Variants in ARHGAP10 observed in about 807,000 individuals in gnomAD.
The protein encoded by ARHGAP10 is Rho GTPase activating protein 10, also known as rho GTPase-activating protein 10.
ARHGAP10 carries 87 observed loss-of-function variants against 108.6 expected under a neutral mutation model. That is an observed-to-expected ratio of 0.80 (90% confidence interval 0.67 to 0.96). The LOEUF (loss-of-function observed/expected upper bound fraction) is 0.96, where lower values mean the gene tolerates loss of function less well. Ranked by LOEUF, ARHGAP10 falls within the 40% of genes least tolerant of loss-of-function variation. ARHGAP10 has a pLI of 0.00. For synonymous variants in ARHGAP10, 347 were observed against 341.1 expected (o/e 1.02, Z -0.19); for missense variants, 939 against 954.5 (o/e 0.98, Z 0.21).
chr4:147,804,017 G>C (rs557026073), intron 1 of ARHGAP10, among the ~76,000 whole-genome samples: 3 of 148,294 alleles, frequency 2.0e-5, no homozygotes, highest in African/African-American at 7.4e-5. Context: ...TTTTCTTTCA[G>C]GTTCAGGGGT....
intron 1 of ARHGAP10, among the ~76,000 whole-genome samples, chr4:147,799,314 C>T (rs758367384): frequency 9.9e-5 from 15 of 152,056 alleles, no homozygotes; most frequent in Non-Finnish European, 1.5e-4. Flanking sequence ...GCTGGGATGG[C>T]CTCTCTTTGT....
At chr4:147,984,447 C>T (rs1394815179) in intron 18 of ARHGAP10, among the ~76,000 whole-genome samples, 3 of 152,234 alleles carry the variant, frequency 2.0e-5, no homozygotes, top group Non-Finnish European at 4.4e-5. Flanking sequence ...CCACCTTTAG[C>T]GGCTAATGCC....
chr4:147,899,339 G>T (rs1404250373), intron 10 of ARHGAP10, among the ~76,000 whole-genome samples: 2 of 149,086 alleles, frequency 1.3e-5, no homozygotes, highest in East Asian at 3.8e-4. Context: ...GTGTGTGTGT[G>T]TGTGTCTGTG....
chr4:147,888,889 T>C (rs1375693095), intron 10 of ARHGAP10, among the ~76,000 whole-genome samples: 1 of 152,200 alleles, frequency 6.6e-6, no homozygotes, highest in Non-Finnish European at 1.5e-5. Context: ...GTGAATGAGA[T>C]AGGCTCTTCT....
rs181557099 is a variant in ARHGAP10 at position 148,030,002 on chromosome 4, C to A, written c.1867+6589C>A. Among the ~76,000 whole-genome samples the A allele has an allele frequency of 6.7e-5, 10 of 148,294 alleles. No individual in the cohort carries two copies. The East Asian group carries it at 7.7e-4, about 11-fold the overall frequency. On this transcript the variant is annotated intron_variant, in intron 19 of 22. Coordinates refer to ENST00000336498, the MANE Select transcript of ARHGAP10 (RefSeq NM_024605.4). ...TCCCGTGAGGCTCAGCATCCCCCCC[C>A]CCACCAACCCCAATGCTAGTGACAA...
At chr4:147,821,057 T>G (rs1471028485) in intron 1 of ARHGAP10, among the ~76,000 whole-genome samples, 1 of 152,106 alleles carries the variant, frequency 6.6e-6, no homozygotes, top group Admixed American at 6.5e-5. Context: ...TGTACAGGGC[T>G]GGCTGGCTGG....
chr4:148,059,866 T>C (rs1729527496), intron 20 of ARHGAP10, among the ~76,000 whole-genome samples: 1 of 152,118 alleles, frequency 6.6e-6, no homozygotes. Flanking sequence ...TGAGTTCCAG[T>C]TCCTACAAGG....
At chr4:148,047,934 T>C (rs925220162) in intron 20 of ARHGAP10, among the ~76,000 whole-genome samples, 1 of 152,174 alleles carries the variant, frequency 6.6e-6, no homozygotes, top group Non-Finnish European at 1.5e-5. Flanking sequence ...GTGATTCTCC[T>C]GCCTCAGCCT....
chr4:147,911,868 T>C (rs1391472427), intron 12 of ARHGAP10, among the ~76,000 whole-genome samples: 2 of 151,798 alleles, frequency 1.3e-5, no homozygotes, highest in African/African-American at 4.8e-5. Context: ...GTGTAAAATA[T>C]CAAAATTTTA....
intron 10 of ARHGAP10, 114 bp from the exon 11 acceptor site, chr4:147,906,524 T>C (rs1300774168): frequency 6.5e-6 from 6 of 921,632 alleles, no homozygotes; most frequent in South Asian, 1.6e-5. Flanking sequence ...TTAGGTTACA[T>C]GTATTTTACC....
At chr4:148,040,817 G>T (rs561023813) in intron 19 of ARHGAP10, among the ~76,000 whole-genome samples, 2 of 152,014 alleles carry the variant, frequency 1.3e-5, no homozygotes, top group Non-Finnish European at 2.9e-5. Flanking sequence ...AAAGATTTGG[G>T]GGGGGTTATT....
chr4:147,832,666 G>GAAAAAAAAAAAAAAA (rs1165230059), intron 3 of ARHGAP10, among the ~76,000 whole-genome samples: 3 of 45,756 alleles, frequency 6.6e-5, no homozygotes, highest in South Asian at 8.7e-4. Flanking sequence ...AAAAAAAAAG[G>GAAAAAAAAAAAAAAA]AAATTGGAGC....
intron 13 of ARHGAP10, among the ~76,000 whole-genome samples, chr4:147,918,248 G>A (rs997169735): frequency 2.1e-4 from 31 of 146,526 alleles, no homozygotes; most frequent in Non-Finnish European, 8.9e-5. Context: ...CCATTCTCCT[G>A]CCTCAGCCTC....
chr4:147,993,490 A>C (rs1321075826), intron 18 of ARHGAP10, among the ~76,000 whole-genome samples: 1 of 152,204 alleles, frequency 6.6e-6, no homozygotes, highest in Admixed American at 6.5e-5. Flanking sequence ...GCAAACATTA[A>C]GCTGCTATGT....
chr4:147,746,668 G>A (rs1728937382), intron 1 of ARHGAP10, among the ~76,000 whole-genome samples: 1 of 152,166 alleles, frequency 6.6e-6, no homozygotes, highest in African/African-American at 2.4e-5. Context: ...GGGATTGTAG[G>A]TGTGAGCCAC....
intron 1 of ARHGAP10, among the ~76,000 whole-genome samples, chr4:147,734,676 CT>C (rs1728351856): frequency 6.6e-6 from 1 of 152,092 alleles, no homozygotes; most frequent in Admixed American, 6.5e-5. Context: ...AGGTCTTATT[CT>C]TTTGCGTCCA....
In ARHGAP10 at chr4:147,997,986, T is replaced by A. The variant is rs1031893261; in HGVS notation, c.1717-25277T>A. Reference sequence around the variant, plus strand: ...AAAAAATATTACAAAAACAAGCATATCAAAACTGAAATGGCAGGGCAAAAC... The same window carrying A: ...AAAAAATATTACAAAAACAAGCATAACAAAACTGAAATGGCAGGGCAAAAC... On this transcript the variant is annotated intron_variant, in intron 18 of 22. Coordinates refer to ENST00000336498, the MANE Select transcript of ARHGAP10 (RefSeq NM_024605.4). 2.6e-5 allele frequency among the ~76,000 whole-genome samples: 4 copies of A among 151,944 alleles called. No individual in the cohort carries two copies. In the East Asian group the frequency reaches 7.7e-4, roughly 29 times the overall value.
chr4:148,016,588 T>C (rs941082310), intron 18 of ARHGAP10, among the ~76,000 whole-genome samples: 1 of 152,148 alleles, frequency 6.6e-6, no homozygotes, highest in African/African-American at 2.4e-5. Context: ...AGAAAACCTT[T>C]GTGTCCAGAT....
Position 148,019,830 on chromosome 4 carries a change from A to G in ARHGAP10, c.1717-3433A>G, listed in dbSNP as rs141973869. Among the ~76,000 whole-genome samples the G allele has an allele frequency of 1.6e-4, 25 of 152,234 alleles. No homozygotes were observed. The East Asian group carries it at 4.8e-3, about 29-fold the overall frequency. ...TAACCTTCCATAGCTGTTAAGATTT[A>G]AAAGCCAGGATAGTGCTGTCTCAGA... On this transcript the variant is annotated intron_variant, in intron 18 of 22. Coordinates refer to ENST00000336498, the MANE Select transcript of ARHGAP10 (RefSeq NM_024605.4).
Sources: allele counts gnomAD v4.1 joint callset (sites outside exome capture counted in the v4.1 genomes callset), GRCh38; gene constraint gnomAD v4.1.1; transcripts MANE v1.5; gene names NCBI Gene and HGNC (gene_info 2026-07-23, HGNC 2026-07-21).